Variants in SOCS5 observed in about 807,000 individuals in gnomAD.
The protein encoded by SOCS5 is suppressor of cytokine signaling 5.
SOCS5 carries 32 observed loss-of-function variants against 42.8 expected under a neutral mutation model. That is an observed-to-expected ratio of 0.75 (90% CI 0.56 to 1.01). SOCS5 has a LOEUF of 1.01. SOCS5 is among the 50% of genes least tolerant of loss of function. The probability of loss-of-function intolerance (pLI) is 0.00; values close to 1 mark genes in which losing one functional copy is unlikely to be tolerated. For missense variants in SOCS5, 627 were observed against 653.0 expected, an observed-to-expected ratio of 0.96 and a Z score of 0.43; for synonymous variants, 283 against 229.6, an observed-to-expected ratio of 1.23 and a Z score of -2.10.
At chr2:46,704,750 A>G (rs1197876761) in intron 1 of SOCS5, among the ~76,000 whole-genome samples, 1 of 152,176 alleles carries the variant, frequency 6.6e-6, no homozygotes, top group Non-Finnish European at 1.5e-5. Context: ...ACAGCTTCTG[A>G]GCAATAAAGG....
At chr2:46,717,731 T>C (rs1672782016) in intron 1 of SOCS5, among the ~76,000 whole-genome samples, 1 of 152,218 alleles carries the variant, frequency 6.6e-6, no homozygotes, top group Non-Finnish European at 1.5e-5. Flanking sequence ...ACCTCTAATA[T>C]AGAGGCATGC....
At chr2:46,749,171 A>G (rs183248353) in intron 1 of SOCS5, among the ~76,000 whole-genome samples, 5 of 152,296 alleles carry the variant, frequency 3.3e-5, no homozygotes, top group Admixed American at 3.3e-4. Flanking sequence ...GGTTTGCCTA[A>G]CGGAAGTAGT....
intron 1 of SOCS5, among the ~76,000 whole-genome samples, chr2:46,717,967 C>G (rs183263809): frequency 5.3e-5 from 8 of 152,330 alleles, no homozygotes; most frequent in Admixed American, 4.6e-4. Context: ...TTCCGGAGAT[C>G]TCTCTAAAGA....
At chr2:46,702,772 C>A (rs993845098) in intron 1 of SOCS5, among the ~76,000 whole-genome samples, 1 of 152,170 alleles carries the variant, frequency 6.6e-6, no homozygotes, top group African/African-American at 2.4e-5. Context: ...AGTGTCATGA[C>A]CATGTGTTTT....
intron 1 of SOCS5, among the ~76,000 whole-genome samples, chr2:46,720,820 T>C (rs995122733): frequency 6.6e-6 from 1 of 152,106 alleles, no homozygotes; most frequent in Non-Finnish European, 1.5e-5. Context: ...GCCCTTAATA[T>C]AAGTGTGTGT....
At chr2:46,733,348 G>A (rs1321840856) in intron 1 of SOCS5, among the ~76,000 whole-genome samples, 1 of 152,242 alleles carries the variant, frequency 6.6e-6, no homozygotes. Flanking sequence ...ACCCATCTCA[G>A]CCTCCCAAAG....
intron 1 of SOCS5, among the ~76,000 whole-genome samples, chr2:46,707,771 C>G (rs1423691036): frequency 6.6e-6 from 1 of 152,138 alleles, no homozygotes; most frequent in African/African-American, 2.4e-5. Flanking sequence ...TACAAATGCT[C>G]CTCGACTTAC....
At chr2:46,719,001 G>C (rs1168674167) in intron 1 of SOCS5, among the ~76,000 whole-genome samples, 1 of 152,140 alleles carries the variant, frequency 6.6e-6, no homozygotes, top group Non-Finnish European at 1.5e-5. Context: ...CATTACAATG[G>C]TATTTATAAT....
chr2:46,725,866 C>G (rs1672979761), intron 1 of SOCS5, among the ~76,000 whole-genome samples: 2 of 151,966 alleles, frequency 1.3e-5, no homozygotes, highest in South Asian at 4.1e-4. Flanking sequence ...ACTTACTTCC[C>G]TAGAGTCTGA....
chr2:46,757,338 T>C (rs995565124), intron 1 of SOCS5, among the ~76,000 whole-genome samples: 1 of 152,230 alleles, frequency 6.6e-6, no homozygotes. Context: ...TCTTCTAATG[T>C]TGACTTTTAG....
chr2:46,750,379 A>G (rs1008018739), intron 1 of SOCS5, among the ~76,000 whole-genome samples: 1 of 152,176 alleles, frequency 6.6e-6, no homozygotes, highest in Admixed American at 6.5e-5. Context: ...AGAAAAAGAA[A>G]TAGCCCTAAA....
rs999195629 is a variant in SOCS5, at chr2:46,762,132, G to T, written c.*1991G>T. On this transcript the variant is annotated 3_prime_UTR_variant, in exon 2 of 2. Coordinates refer to ENST00000394861, the MANE Select transcript of SOCS5 (RefSeq NM_144949.3). ...GGGATTGAAGGGACTTATAATTTCT[G>T]TTGTTTCTAATTAAAGTCCCTGAAG... 1.8e-5 allele frequency: 3 copies of T among 166,994 alleles called. No individual in the cohort carries two copies. Among genetic ancestry groups the T allele is most frequent in the African/African-American group, 4.8e-5 (2 of 41,444 alleles). The allele number at this position is 166,994 out of a possible 1,614,324, so 10.3% of individuals were successfully genotyped here.
rs1361920028 is a variant in SOCS5 at position 46,761,684 on chromosome 2, A to G, written c.*1543A>G. ...AATGGTTTGGGGTTTTTAAATAAGC[A>G]TTAACTAACAACCTTTCTATAGTTA... On this transcript the variant is annotated 3_prime_UTR_variant, in exon 2 of 2. Transcript: ENST00000394861. 1.2e-5 allele frequency: 2 copies of G among 166,872 alleles called. No individual in the cohort carries two copies. Among genetic ancestry groups the G allele is most frequent in the Non-Finnish European group, 2.9e-5 (2 of 68,100 alleles). The allele number at this position is 166,872 out of a possible 1,614,324, so 10.3% of individuals were successfully genotyped here.
At chr2:46,721,229 ATGTTATTCCCTAAC>A (rs1475968350) in intron 1 of SOCS5, among the ~76,000 whole-genome samples, 1 of 152,054 alleles carries the variant, frequency 6.6e-6, no homozygotes, top group Non-Finnish European at 1.5e-5. Context: ...ATCTATTTAG[ATGTTATTCCCTAAC>A]TGTACTCCAT....
At chr2:46,747,119 T>C (rs576439673) in intron 1 of SOCS5, among the ~76,000 whole-genome samples, 1 of 152,272 alleles carries the variant, frequency 6.6e-6, no homozygotes, top group East Asian at 1.9e-4. Context: ...GGCTACTGAT[T>C]TTTAATTTCT....
chr2:46,751,850 C>T (rs1206527819), intron 1 of SOCS5, among the ~76,000 whole-genome samples: 4 of 151,914 alleles, frequency 2.6e-5, no homozygotes, highest in Admixed American at 2.6e-4. Context: ...TGTTGTATAG[C>T]CCACCATGAA....
intron 1 of SOCS5, among the ~76,000 whole-genome samples, chr2:46,701,497 C>CAGGT (rs764425295): frequency 1.3e-5 from 2 of 152,140 alleles, no homozygotes; most frequent in Non-Finnish European, 2.9e-5. Flanking sequence ...GATTGGTGGG[C>CAGGT]AGGTCTGTGG....
chr2:46,704,715 C>G (rs1412603682), intron 1 of SOCS5, among the ~76,000 whole-genome samples: 1 of 152,124 alleles, frequency 6.6e-6, no homozygotes, highest in African/African-American at 2.4e-5. Context: ...GGCCTCTTAT[C>G]CTTGGTTCCT....
intron 1 of SOCS5, among the ~76,000 whole-genome samples, chr2:46,736,041 CCT>C (rs1255847122): frequency 6.6e-6 from 1 of 151,024 alleles, no homozygotes; most frequent in Non-Finnish European, 1.5e-5. Context: ...TCTCTTTCCC[CCT>C]CTCTCCCTCC....
Sources: gnomAD v4.1 joint callset for allele counts (sites outside exome capture counted in the v4.1 genomes callset) on GRCh38, gnomAD v4.1.1 for gene constraint, MANE v1.5 for transcripts, NCBI Gene and HGNC (gene_info 2026-07-23, HGNC 2026-07-21) for gene names.